The following TRMT6 variants were observed in gnomAD, a reference collection of about 807,000 sequenced individuals.
The protein encoded by TRMT6 is tRNA methyltransferase 6 non-catalytic subunit.
In TRMT6, 34 loss-of-function variants were observed where a neutral mutation model predicts 59.0. The observed-to-expected ratio is 0.58, with a 90% CI of 0.44 to 0.77. The LOEUF (loss-of-function observed/expected upper bound fraction) is 0.77, where lower values mean the gene tolerates loss of function less well. Among genes scored for constraint, TRMT6 ranks in the 30% least tolerant of loss-of-function variants. The probability of loss-of-function intolerance (pLI) is 0.00; values close to 1 mark genes in which losing one functional copy is unlikely to be tolerated. For synonymous variants in TRMT6, 217 were observed against 210.5 expected, an observed-to-expected ratio of 1.03 and a Z score of -0.27; for missense variants, 575 against 604.5, an observed-to-expected ratio of 0.95 and a Z score of 0.51.
At position 5,942,475 on chromosome 20, in the gene TRMT6, C is replaced by T. The variant is rs2088665649; in HGVS notation, c.979G>A (p.Asp327Asn). 1 of 1,613,894 alleles carries T rather than the reference C, an allele frequency of 6.2e-7. No homozygotes were observed. Among genetic ancestry groups the T allele is most frequent in the Non-Finnish European group, 8.5e-7 (1 of 1,180,018 alleles). Residue 327 changes from aspartate to asparagine, a missense_variant, in exon 7 of 11, where the codon GAT becomes AAT. Coordinates refer to ENST00000203001, the MANE Select transcript of TRMT6 (RefSeq NM_015939.5). ...TCTTTAGGCCCCTTATGTTCTGGAT[C>T]TTGAGAAATTGTTTCCATTGTTTCC... ...DQETMETISQDPEHKGPKERG... is the reference protein window; with the variant it reads ...DQETMETISQNPEHKGPKERG...
At position 5,944,792 on chromosome 20, in the gene TRMT6, C is replaced by T. The variant is rs752442938; in HGVS notation, c.366+13G>A. On this transcript the variant is annotated intron_variant, in intron 3 of 10. Transcript: ENST00000203001. ...ACAGACAAAAACAAAACTAAAAATC[C>T]TTTGAATATTACCTCTCCTTTAATG... 7 of 1,597,014 alleles carry T rather than the reference C, an allele frequency of 4.4e-6. No individual in the cohort carries two copies. The South Asian group carries it at 5.6e-5, about 13-fold the overall frequency.
At position 5,946,456 on chromosome 20, in the gene TRMT6, G is replaced by T. The variant is rs2088707665; in HGVS notation, c.206C>A (p.Thr69Asn). The T allele has an allele frequency of 1.2e-6, 2 of 1,613,936 alleles. No individual in the cohort carries two copies. The highest frequency in any genetic ancestry group is 1.1e-5 in the South Asian group (1 of 91,080). Residue 69 changes from threonine to asparagine, a missense_variant, in exon 2 of 11, where the codon ACC (threonine) becomes AAC (asparagine). Coordinates refer to ENST00000203001, the MANE Select transcript of TRMT6 (RefSeq NM_015939.5). Reference protein sequence around the residue: ...GHSYGTAFEVTSGGSLQPKKK... With the variant: ...GHSYGTAFEVNSGGSLQPKKK... ...CTTGGGCTGTAGACTTCCTCCACTG[G>T]TCACTTCAAATGCAGTTCCATAACT... is the stretch of plus-strand genomic sequence containing the variant.
intron 1 of TRMT6, among the ~76,000 whole-genome samples, chr20:5,949,471 GA>G (rs2088753029): frequency 1.3e-5 from 2 of 152,174 alleles, no homozygotes; most frequent in Non-Finnish European, 2.9e-5. Flanking sequence ...AGCCCTTCCA[GA>G]AAGTTATCAA....
chr20:5,944,793 T>C lies in TRMT6; in HGVS notation c.366+12A>G. 2 of 1,599,032 alleles carry C rather than the reference T, an allele frequency of 1.3e-6. No homozygotes were observed. The highest frequency in any genetic ancestry group is 1.7e-6 in the Non-Finnish European group (2 of 1,169,336). ...CAGACAAAAACAAAACTAAAAATCCTTTGAATATTACCTCTCCTTTAATGC... is the reference window on the plus strand; with the variant it reads ...CAGACAAAAACAAAACTAAAAATCCCTTGAATATTACCTCTCCTTTAATGC... On this transcript the variant is annotated intron_variant, in intron 3 of 10. Coordinates refer to ENST00000203001, the MANE Select transcript of TRMT6 (RefSeq NM_015939.5).
chr20:5,950,151 G>C, intron 1 of TRMT6, 127 bp downstream of exon 1: 1 of 978,334 alleles, frequency 1.0e-6, no homozygotes, highest in Non-Finnish European at 1.5e-6. Context: ...GACAACGAGG[G>C]CGGGGAATGG....
chr20:5,950,480 C>T lies in TRMT6; in HGVS notation c.-75G>A. Reference sequence around the variant, plus strand: ...GTTGTCGCCACCGCCAGCCTCACTTCCCACAACCTGGCGCACTAGGAGCCC... The same window carrying T: ...GTTGTCGCCACCGCCAGCCTCACTTTCCACAACCTGGCGCACTAGGAGCCC... On this transcript the variant is annotated 5_prime_UTR_variant, in exon 1 of 11. Coordinates refer to ENST00000203001, the MANE Select transcript of TRMT6 (RefSeq NM_015939.5). 2.0e-6 allele frequency: 3 copies of T among 1,481,582 alleles called. No individual in the cohort carries two copies. The highest frequency in any genetic ancestry group is 2.7e-6 in the Non-Finnish European group (3 of 1,113,632). The allele number at this position is 1,481,582 out of a possible 1,614,324, so 91.8% of individuals were successfully genotyped here.
In TRMT6 at chr20:5,950,328, C is replaced by G. The variant is rs1373746745; in HGVS notation, c.78G>C (p.Val26=). Residue 26 remains valine, a synonymous_variant, in exon 1 of 11, where the codon GTG becomes GTC. Transcript: ENST00000203001. The part of the protein sequence containing the change: ...GDHRIRDGDF[V]VLKREDVFKA... ...TAAACACATCTTCACGTTTCAGCAC[C>G]ACGAAGTCGCCGTCGCGGATGCGGT... 2.5e-6 allele frequency: 4 copies of G among 1,613,606 alleles called. No homozygotes were observed. Among genetic ancestry groups the G allele is most frequent in the Non-Finnish European group, 3.4e-6 (4 of 1,179,970 alleles).
intron 1 of TRMT6, among the ~76,000 whole-genome samples, 160 bp from the exon 2 acceptor site, chr20:5,946,693 G>C (rs933985735): frequency 6.6e-6 from 1 of 152,102 alleles, no homozygotes; most frequent in African/African-American, 2.4e-5. Flanking sequence ...AACCTGGTTG[G>C]GATAGAGACG....
chr20:5,938,370 T>C lies in TRMT6; in HGVS notation c.*165A>G, dbSNP rs1327321148. On this transcript the variant is annotated 3_prime_UTR_variant, in exon 11 of 11. Transcript: ENST00000203001. ...GCAGTTTTGACAGACCAAATGCATC[T>C]GTGTCAGAAATAGACAAAAGGCATA... 2 of 703,046 alleles carry C rather than the reference T, an allele frequency of 2.8e-6. No individual in the cohort carries two copies. The highest frequency in any genetic ancestry group is 5.8e-5 in the Admixed American group (2 of 34,262). 43.6% of individuals were successfully genotyped at this position (703,046 alleles called of 1,614,324 possible). A position where few individuals can be genotyped will look rare whatever the true frequency, so the allele number is the denominator to read the frequency against.
chr20:5,944,093 T>C (rs913660227), intron 4 of TRMT6, 62 bp from the exon 5 acceptor site: 21 of 1,378,518 alleles, frequency 1.5e-5, no homozygotes, highest in Admixed American at 2.3e-5. Flanking sequence ...TTATTTGTAA[T>C]AAAATGTATA....
chr20:5,943,965 T>C lies in TRMT6; in HGVS notation c.525A>G (p.Arg175=). ...AAGCGTACTTAATTTTTCCAGGTTCTCTTGCATAATACATAATTGAAAGAA... is the reference window on the plus strand; with the variant it reads ...AAGCGTACTTAATTTTTCCAGGTTCCCTTGCATAATACATAATTGAAAGAA... ...TRILSIMYYA[R]EPGKINHMRY... The change falls in exon 5 of 11, where the codon AGA becomes AGG. Residue 175 remains arginine (R), a synonymous_variant. Transcript: ENST00000203001. The C allele has an allele frequency of 1.2e-6, 2 of 1,610,222 alleles. No individual in the cohort carries two copies. Among genetic ancestry groups the C allele is most frequent in the Non-Finnish European group, 1.7e-6 (2 of 1,178,690 alleles).
chr20:5,943,859 T>A, intron 5 of TRMT6, 89 bp downstream of exon 5: 1 of 1,535,136 alleles, frequency 6.5e-7, no homozygotes, highest in Non-Finnish European at 8.7e-7. Context: ...TTTATGCAGG[T>A]GAGCAAGCTT....
At chr20:5,947,078 TTTTGA>T (rs1383158725) in intron 1 of TRMT6, among the ~76,000 whole-genome samples, 7 of 152,174 alleles carry the variant, frequency 4.6e-5, no homozygotes, top group Non-Finnish European at 8.8e-5. Context: ...GATTCACACT[TTTTGA>T]TTTAATTCTC....
In TRMT6 at chr20:5,942,494, T is replaced by C. The variant is rs2088666041; in HGVS notation, c.960A>G (p.Thr320=). The change falls in exon 7 of 11, where the codon ACA becomes ACG. Residue 320 remains threonine, a synonymous_variant. Coordinates refer to ENST00000203001, the MANE Select transcript of TRMT6 (RefSeq NM_015939.5). ...CTGGATCTTGAGAAATTGTTTCCAT[T>C]GTTTCCTGGTCTTCTGGGTGGTTGC... ...PESNHPEDQE[T]METISQDPEH... 2 of 1,613,992 alleles carry C rather than the reference T, an allele frequency of 1.2e-6. No homozygotes were observed. Among genetic ancestry groups the C allele is most frequent in the African/African-American group, 1.3e-5 (1 of 74,892 alleles).
At chr20:5,943,411 C>A (rs1049616925) in intron 6 of TRMT6, 148 bp downstream of exon 6, 25 of 1,014,178 alleles carry the variant, frequency 2.5e-5, no homozygotes, top group Middle Eastern at 2.4e-4. Flanking sequence ...GTAAGAAGGT[C>A]CCCATGCTAG....
intron 2 of TRMT6, 60 bp downstream of exon 2, chr20:5,946,346 C>T (rs236180): frequency 0.15 from 234,098 of 1,606,264 alleles, 24,841 homozygotes; most frequent in African/African-American, 0.52. Context: ...TAGGTGGAGG[C>T]TGAGATGTTT....
intron 10 of TRMT6, 125 bp from the exon 11 acceptor site, chr20:5,938,851 T>C: frequency 2.5e-6 from 2 of 800,734 alleles, no homozygotes; most frequent in Admixed American, 6.2e-5. Context: ...GGACATTTTT[T>C]TTTCTTTCTT....
At position 5,941,070 on chromosome 20, in the gene TRMT6, A is replaced by G; in HGVS notation, c.1285T>C (p.Trp429Arg). ...ACACGTACCTGATAATTTCTGAGCC[A>G]GGTTTCAGACAGCCTGAGGTTGATG... ...GVINLRLSET[W>R]LRNYQVLPDR... Residue 429 changes from tryptophan to arginine, a missense_variant, in exon 10 of 11, where the codon TGG becomes CGG. Trp to Arg is a moderately radical substitution (Grantham distance 101). Coordinates refer to ENST00000203001, the MANE Select transcript of TRMT6 (RefSeq NM_015939.5). The G allele has an allele frequency of 6.2e-7, 1 of 1,614,152 alleles. No homozygotes were observed. Among genetic ancestry groups the G allele is most frequent in the Non-Finnish European group, 8.5e-7 (1 of 1,179,974 alleles).
chr20:5,943,408 G>A, intron 6 of TRMT6, 151 bp downstream of exon 6: 1 of 980,790 alleles, frequency 1.0e-6, no homozygotes. Flanking sequence ...TGTGTAAGAA[G>A]GTCCCCATGC....
Sources: allele counts gnomAD v4.1 joint callset (sites outside exome capture counted in the v4.1 genomes callset), GRCh38; gene constraint gnomAD v4.1.1; transcripts MANE v1.5; gene names NCBI Gene and HGNC (gene_info 2026-07-23, HGNC 2026-07-21).